The following KAZN variants were observed in gnomAD, a reference collection of about 807,000 sequenced individuals.
KAZN encodes kazrin, periplakin interacting protein, also known as kazrin.
KAZN carries 40 observed loss-of-function variants against 87.4 expected under a neutral mutation model. The ratio of observed to expected loss-of-function variants is 0.46; its 90% CI spans 0.36 to 0.60. The LOEUF (loss-of-function observed/expected upper bound fraction) is 0.60. KAZN is among the 20% of genes least tolerant of loss of function. The pLI is 0.00. For synonymous variants in KAZN, 466 were observed against 458.3 expected (o/e 1.02, Z -0.22); for missense variants, 898 against 1,073.9 (o/e 0.84, Z 2.29).
intron 1 of KAZN, among the ~76,000 whole-genome samples, chr1:14,685,687 G>A (rs1489775706): frequency 6.6e-6 from 1 of 152,196 alleles, no homozygotes; most frequent in African/African-American, 2.4e-5. Context: ...AACTTGTTAG[G>A]AGTCAATTGC....
At chr1:14,917,873 T>C (rs5772607) in intron 1 of KAZN, among the ~76,000 whole-genome samples, 11,826 of 53,172 alleles carry the variant, frequency 0.22, 496 homozygotes, top group Middle Eastern at 0.33. Context: ...TTCCTTCCTT[T>C]CTTTCTTTCT....
At chr1:14,702,599 G>A (rs147183764) in intron 1 of KAZN, among the ~76,000 whole-genome samples, 274 of 152,236 alleles carry the variant, frequency 1.8e-3, no homozygotes, top group African/African-American at 6.5e-3. Context: ...AACGTGGTAT[G>A]TATCGTGGGT....
chr1:13,952,074 T>A (rs1641368265), intron 1 of KAZN, among the ~76,000 whole-genome samples: 1 of 152,172 alleles, frequency 6.6e-6, no homozygotes, highest in African/African-American at 2.4e-5. Flanking sequence ...TTGAGGACTA[T>A]TTGTTGCATA....
chr1:14,417,028 A>ACT (rs1362205000), intron 2 of KAZN, among the ~76,000 whole-genome samples: 1 of 150,982 alleles, frequency 6.6e-6, no homozygotes, highest in Non-Finnish European at 1.5e-5. Flanking sequence ...ACACACACAC[A>ACT]CACACACACA....
chr1:13,988,646 A>C (rs12072002), intron 1 of KAZN, among the ~76,000 whole-genome samples: 26,980 of 152,116 alleles, frequency 0.18, 2,668 homozygotes, highest in African/African-American at 0.24. Context: ...CACAAGAGAG[A>C]CTGGGAAATA....
At chr1:14,290,291 C>T (rs1292204537) in intron 2 of KAZN, among the ~76,000 whole-genome samples, 1 of 152,208 alleles carries the variant, frequency 6.6e-6, no homozygotes, top group East Asian at 1.9e-4. Flanking sequence ...TGGTTCCATT[C>T]TCCCCGTCAC....
At chr1:14,711,617 C>T (rs1642492394) in intron 1 of KAZN, among the ~76,000 whole-genome samples, 2 of 152,192 alleles carry the variant, frequency 1.3e-5, no homozygotes, top group Non-Finnish European at 2.9e-5. Flanking sequence ...CTCCCCATCT[C>T]TCACTTGCTC....
At chr1:14,299,723 C>T (rs969956339) in intron 2 of KAZN, among the ~76,000 whole-genome samples, 8 of 152,156 alleles carry the variant, frequency 5.3e-5, no homozygotes, top group South Asian at 2.1e-4. Context: ...TAATGTTCTT[C>T]TCAAGGAGAT....
intron 1 of KAZN, among the ~76,000 whole-genome samples, chr1:14,095,834 T>C (rs1433222916): frequency 2.6e-5 from 4 of 152,146 alleles, no homozygotes; most frequent in Non-Finnish European, 5.9e-5. Context: ...ATGTTACTTA[T>C]GCTACTCTAC....
chr1:15,014,276 G>A (rs1199733643), intron 2 of KAZN, among the ~76,000 whole-genome samples: 1 of 152,240 alleles, frequency 6.6e-6, no homozygotes, highest in Admixed American at 6.5e-5. Context: ...TCATTTGTGA[G>A]GAAGTGACTT....
chr1:14,833,321 C>G (rs1404738510), intron 1 of KAZN, among the ~76,000 whole-genome samples: 1 of 152,194 alleles, frequency 6.6e-6, no homozygotes, highest in Non-Finnish European at 1.5e-5. Context: ...CTCCTAGAAA[C>G]AGACCCTGAA....
chr1:14,127,399 GTTT>G (rs574276908), intron 1 of KAZN, among the ~76,000 whole-genome samples: 2 of 47,696 alleles, frequency 4.2e-5, no homozygotes, highest in African/African-American at 1.2e-4. Context: ...CTTTACTGTT[GTTT>G]TTTTTTTTTT....
In KAZN at chr1:14,385,608, T is replaced by C. The variant is rs551324855; in HGVS notation, c.249+205016T>C. On this transcript the variant is annotated intron_variant, in intron 2 of 16. Coordinates refer to the KAZN transcript ENST00000636203. ...TCAGGAGCAGGTTGTTTGGTTTCCA[T>C]GTAGTTGAGCGGTTTTGAGTGAGAT... Among the ~76,000 whole-genome samples the C allele has an allele frequency of 5.9e-5, 9 of 152,352 alleles. No individual in the cohort carries two copies. In the East Asian group the frequency reaches 1.2e-3, roughly 20 times the overall value.
At chr1:15,025,673 C>T (rs1028166706) in intron 2 of KAZN, among the ~76,000 whole-genome samples, 1 of 152,188 alleles carries the variant, frequency 6.6e-6, no homozygotes, top group African/African-American at 2.4e-5. Flanking sequence ...ACTAACTTTC[C>T]AGGGTGCACT....
At chr1:14,157,165 A>G (rs12567596) in intron 1 of KAZN, among the ~76,000 whole-genome samples, 26,844 of 151,896 alleles carry the variant, frequency 0.18, 2,986 homozygotes, top group East Asian at 0.33. Context: ...TTAACTTTTT[A>G]TGGTTTCTAT....
intron 1 of KAZN, among the ~76,000 whole-genome samples, chr1:14,690,203 G>A (rs532057916): frequency 5.3e-5 from 8 of 152,128 alleles, no homozygotes; most frequent in Non-Finnish European, 1.0e-4. Context: ...ATGCATCTGC[G>A]GTCCTGCTGG....
chr1:15,028,719 G>A (rs1189295812), intron 2 of KAZN, among the ~76,000 whole-genome samples: 1 of 152,202 alleles, frequency 6.6e-6, no homozygotes, highest in Non-Finnish European at 1.5e-5. Flanking sequence ...CATTCCTAAA[G>A]ATTCAGTTTT....
chr1:14,903,555 A>T (rs958763358), intron 1 of KAZN, among the ~76,000 whole-genome samples: 15 of 152,146 alleles, frequency 9.9e-5, no homozygotes, highest in Non-Finnish European at 1.8e-4. Context: ...CATTTGCCAG[A>T]TGGGCAGAGG....
At chr1:14,443,696 G>A (rs1037858001) in intron 2 of KAZN, among the ~76,000 whole-genome samples, 3 of 152,098 alleles carry the variant, frequency 2.0e-5, no homozygotes, top group African/African-American at 7.2e-5. Context: ...CACTCCTCTC[G>A]AGCCTCCCAC....
Sources: gnomAD v4.1 joint callset for allele counts (sites outside exome capture counted in the v4.1 genomes callset) on GRCh38, gnomAD v4.1.1 for gene constraint, MANE v1.5 for transcripts, NCBI Gene and HGNC (gene_info 2026-07-23, HGNC 2026-07-21) for gene names.